Variants in IMMP2L observed in about 807,000 individuals in gnomAD.
The protein encoded by IMMP2L is inner mitochondrial membrane peptidase subunit 2, also known as mitochondrial inner membrane protease subunit 2.
IMMP2L carries 18 observed loss-of-function variants against 19.3 expected under a neutral mutation model. The ratio of observed to expected loss-of-function variants is 0.93; its 90% CI spans 0.64 to 1.38. The LOEUF (loss-of-function observed/expected upper bound fraction) is 1.38. Ranked by LOEUF, IMMP2L falls within the 40% of genes most tolerant of loss-of-function variation. The pLI is 0.00. For missense variants in IMMP2L, 233 were observed against 218.2 expected (o/e 1.07, Z -0.43); for synonymous variants, 76 against 73.0 (o/e 1.04, Z -0.21).
chr7:110,739,765 A>G (rs771311507), intron 5 of IMMP2L, among the ~76,000 whole-genome samples: 6 of 152,178 alleles, frequency 3.9e-5, no homozygotes, highest in South Asian at 2.1e-4. Flanking sequence ...TATACATTCT[A>G]TTCATCAGCA....
intron 3 of IMMP2L, among the ~76,000 whole-genome samples, chr7:111,141,197 C>A (rs1457597827): frequency 6.6e-6 from 1 of 151,892 alleles, no homozygotes; most frequent in East Asian, 1.9e-4. Context: ...TCTGGTGTTA[C>A]CACCAAATTC....
In IMMP2L at chr7:111,120,937, C is replaced by CAA. The variant is rs545042207; in HGVS notation, c.240-157374_240-157373dup. Among the ~76,000 whole-genome samples, 840 of 132,064 alleles carry CAA rather than the reference C, an allele frequency of 6.4e-3. 14 individuals carry two copies. Among genetic ancestry groups the CAA allele is most frequent in the African/African-American group, 0.022 (806 of 37,438 alleles). The allele number at this position is 132,064 out of a possible 152,430, so 86.6% of individuals were successfully genotyped here. ...CCTTTTATGTTGCCTCTCTAACAGGCAAAAAAAAAAAGCCATGAACAGTTG... is the reference window on the plus strand; with the variant it reads ...CCTTTTATGTTGCCTCTCTAACAGGCAAAAAAAAAAAAAGCCATGAACAGTTG... On this transcript the variant is annotated intron_variant, in intron 3 of 5. Transcript: ENST00000405709.
intron 3 of IMMP2L, among the ~76,000 whole-genome samples, chr7:111,142,208 C>A (rs1211112970): frequency 1.3e-5 from 2 of 151,802 alleles, no homozygotes; most frequent in Non-Finnish European, 2.9e-5. Context: ...TGCCTGTAAT[C>A]CCAGCTACTC....
chr7:111,472,643 C>A (rs56848830), intron 3 of IMMP2L, among the ~76,000 whole-genome samples: 64,057 of 151,992 alleles, frequency 0.42, 14,085 homozygotes, highest in Non-Finnish European at 0.49. Context: ...AGAAAAGACA[C>A]AATTATTTAA....
chr7:111,419,452 G>C (rs541105509), intron 3 of IMMP2L, among the ~76,000 whole-genome samples: 25 of 151,504 alleles, frequency 1.7e-4, no homozygotes, highest in Non-Finnish European at 2.9e-4. Context: ...AACTGCTTAG[G>C]ACAAACCTGT....
At chr7:110,845,148 C>G (rs1020022069) in intron 5 of IMMP2L, among the ~76,000 whole-genome samples, 6 of 152,140 alleles carry the variant, frequency 3.9e-5, no homozygotes, top group African/African-American at 1.4e-4. Flanking sequence ...CCCCTTTCAC[C>G]TTCATTCACT....
chr7:110,688,169 G>C (rs1402100741), intron 5 of IMMP2L, among the ~76,000 whole-genome samples: 2 of 151,982 alleles, frequency 1.3e-5, no homozygotes, highest in African/African-American at 4.8e-5. Context: ...TATGCCATGT[G>C]AATTGGACAC....
chr7:111,259,420 A>AG (rs1456532747), intron 3 of IMMP2L, among the ~76,000 whole-genome samples: 2 of 152,192 alleles, frequency 1.3e-5, no homozygotes, highest in Non-Finnish European at 2.9e-5. Flanking sequence ...GGATCACTCG[A>AG]GGCCAGGAAT....
At chr7:110,972,731 C>A (rs1225449855) in intron 3 of IMMP2L, among the ~76,000 whole-genome samples, 2 of 152,020 alleles carry the variant, frequency 1.3e-5, no homozygotes, top group Non-Finnish European at 2.9e-5. Context: ...CAGAGAGGTA[C>A]AGAGCAGTGA....
intron 3 of IMMP2L, among the ~76,000 whole-genome samples, chr7:111,241,045 T>A (rs189680345): frequency 5.9e-4 from 90 of 152,016 alleles, no homozygotes; most frequent in African/African-American, 2.0e-3. Context: ...GCCGTATCCT[T>A]CTCGGAAAAC....
At chr7:111,064,934 C>T (rs1188832634) in intron 3 of IMMP2L, among the ~76,000 whole-genome samples, 1 of 152,112 alleles carries the variant, frequency 6.6e-6, no homozygotes, top group African/African-American at 2.4e-5. Flanking sequence ...CTACAACAGG[C>T]CAATCCAGGC....
At chr7:111,505,685 C>T (rs1208418492) in intron 2 of IMMP2L, among the ~76,000 whole-genome samples, 2 of 152,012 alleles carry the variant, frequency 1.3e-5, no homozygotes, top group African/African-American at 2.4e-5. Flanking sequence ...ATGGATGAAA[C>T]TGGAAACCAT....
intron 3 of IMMP2L, among the ~76,000 whole-genome samples, chr7:111,177,689 A>G (rs1409682281): frequency 2.0e-5 from 3 of 152,110 alleles, no homozygotes; most frequent in Non-Finnish European, 4.4e-5. Flanking sequence ...TTAAGGCCCT[A>G]GAAGATAACA....
intron 5 of IMMP2L, among the ~76,000 whole-genome samples, chr7:110,762,892 A>G (rs1798436083): frequency 6.6e-6 from 1 of 152,188 alleles, no homozygotes; most frequent in African/African-American, 2.4e-5. Flanking sequence ...TGTTTTTGAA[A>G]GCATTTCTCC....
At position 110,713,679 on chromosome 7, in the gene IMMP2L, G is replaced by C. The variant is rs548793782; in HGVS notation, c.409-49958C>G. Among the ~76,000 whole-genome samples, 4 of 147,210 alleles carry C rather than the reference G, an allele frequency of 2.7e-5. No individual in the cohort carries two copies. The East Asian group carries it at 8.0e-4, about 29-fold the overall frequency. Reference sequence around the variant, plus strand: ...TTTTTTTTTTTTTTAGTTTTTGTTTGTTTTTGTTTTGGTGTGTGGCTATTG... The same window carrying C: ...TTTTTTTTTTTTTTAGTTTTTGTTTCTTTTTGTTTTGGTGTGTGGCTATTG... On this transcript the variant is annotated intron_variant, in intron 5 of 5. Coordinates refer to ENST00000405709, the MANE Select transcript of IMMP2L (RefSeq NM_032549.4).
At chr7:111,452,878 A>G (rs1839337616) in intron 3 of IMMP2L, among the ~76,000 whole-genome samples, 1 of 152,168 alleles carries the variant, frequency 6.6e-6, no homozygotes, top group African/African-American at 2.4e-5. Flanking sequence ...CATATTTACT[A>G]TACCTATTAT....
chr7:110,874,768 A>G (rs73423074), intron 5 of IMMP2L, among the ~76,000 whole-genome samples: 6,260 of 152,150 alleles, frequency 0.041, 412 homozygotes, highest in African/African-American at 0.14. Context: ...CTATAACAGA[A>G]TGCCACAGAT....
At chr7:111,077,241 C>A (rs1028365178) in intron 3 of IMMP2L, among the ~76,000 whole-genome samples, 1 of 152,172 alleles carries the variant, frequency 6.6e-6, no homozygotes, top group African/African-American at 2.4e-5. Flanking sequence ...CTGATGAGGG[C>A]AAAGTTTTTT....
chr7:111,521,909 A>T (rs1348387557), intron 1 of IMMP2L, among the ~76,000 whole-genome samples: 8 of 152,086 alleles, frequency 5.3e-5, no homozygotes, highest in African/African-American at 1.9e-4. Context: ...GATCAACAGC[A>T]TGAGTAGAAA....
Sources: allele counts gnomAD v4.1 joint callset (sites outside exome capture counted in the v4.1 genomes callset), GRCh38; gene constraint gnomAD v4.1.1; transcripts MANE v1.5; gene names NCBI Gene and HGNC (gene_info 2026-07-23, HGNC 2026-07-21).